The following ZSCAN5A variants were observed in gnomAD, a reference collection of about 807,000 sequenced individuals.
ZSCAN5A encodes the protein zinc finger and SCAN domain-containing protein 5A.
In ZSCAN5A, 12 loss-of-function variants were observed where a neutral mutation model predicts 23.7. The ratio of observed to expected loss-of-function variants is 0.51; its 90% CI spans 0.32 to 0.82. The LOEUF (loss-of-function observed/expected upper bound fraction) is 0.82, where lower values mean the gene tolerates loss of function less well. Among genes scored for constraint, ZSCAN5A ranks in the 40% least tolerant of loss-of-function variants. ZSCAN5A has a pLI of 0.03. For synonymous variants in ZSCAN5A, 257 were observed against 239.9 expected (o/e 1.07, Z -0.66); for missense variants, 597 against 617.9 (o/e 0.97, Z 0.36).
chr19:56,304,115 C>T (rs998024606), intron 2 of ZSCAN5A, among the ~76,000 whole-genome samples: 4 of 152,044 alleles, frequency 2.6e-5, no homozygotes, highest in Non-Finnish European at 4.4e-5. Context: ...GAGAGTGGAT[C>T]GGAATCAGGG....
intron 5 of ZSCAN5A, 120 bp downstream of exon 5, chr19:56,222,471 G>A (rs2033362671): frequency 1.3e-6 from 2 of 1,549,210 alleles, no homozygotes; most frequent in South Asian, 1.3e-5. Context: ...GGAAAGTAGA[G>A]GATGGGGAGG....
chr19:56,256,533 T>G (rs2036704714), intron 2 of ZSCAN5A, among the ~76,000 whole-genome samples: 1 of 152,228 alleles, frequency 6.6e-6, no homozygotes. Flanking sequence ...CTTACATTTT[T>G]CAGGTGTGTG....
chr19:56,337,699 T>G (rs1301682198), intron 2 of ZSCAN5A, among the ~76,000 whole-genome samples: 1 of 152,238 alleles, frequency 6.6e-6, no homozygotes, highest in Non-Finnish European at 1.5e-5. Flanking sequence ...AGCTGTAGAC[T>G]GGAGCTGTTC....
chr19:56,299,917 G>A (rs917895720), intron 2 of ZSCAN5A: 6 of 152,174 alleles, frequency 3.9e-5, no homozygotes, highest in Non-Finnish European at 5.9e-5. Flanking sequence ...ATCACCACTT[G>A]CATTTCACAT....
chr19:56,231,427 A>C (rs983833418), intron 2 of ZSCAN5A, among the ~76,000 whole-genome samples: 8 of 152,232 alleles, frequency 5.3e-5, no homozygotes, highest in African/African-American at 1.9e-4. Context: ...TTCTCTAAGA[A>C]TGCGTGACCA....
intron 2 of ZSCAN5A, among the ~76,000 whole-genome samples, chr19:56,327,518 TAA>T (rs1402332935): frequency 4.6e-5 from 7 of 150,750 alleles, no homozygotes; most frequent in African/African-American, 7.3e-5. Flanking sequence ...GTATACCATA[TAA>T]GTCATACACA....
At chr19:56,322,640 T>C (rs78039025) in intron 2 of ZSCAN5A, among the ~76,000 whole-genome samples, 2,778 of 152,254 alleles carry the variant, frequency 0.018, 87 homozygotes, top group African/African-American at 0.064. Flanking sequence ...TATCTATCTA[T>C]AGATACAGAC....
At chr19:56,276,698 C>T (rs1218072784) in intron 2 of ZSCAN5A, among the ~76,000 whole-genome samples, 4 of 151,786 alleles carry the variant, frequency 2.6e-5, no homozygotes, top group Non-Finnish European at 4.4e-5. Flanking sequence ...CCACCATGCC[C>T]GGCTAATTTT....
intron 2 of ZSCAN5A, chr19:56,280,693 G>A (rs949309573): frequency 6.6e-6 from 1 of 152,098 alleles, no homozygotes; most frequent in Admixed American, 6.5e-5. Context: ...CCTTCCTGTT[G>A]TGTCATCCTA....
At chr19:56,277,308 G>A (rs1600161271) in intron 2 of ZSCAN5A, among the ~76,000 whole-genome samples, 1 of 152,342 alleles carries the variant, frequency 6.6e-6, no homozygotes, top group South Asian at 2.1e-4. Context: ...AATGAATGGA[G>A]AAACAGAGTG....
intron 2 of ZSCAN5A, among the ~76,000 whole-genome samples, chr19:56,361,901 T>C (rs1186639727): frequency 4.6e-5 from 7 of 152,048 alleles, no homozygotes. Flanking sequence ...CTCACACCTG[T>C]AATCCCAGCA....
At chr19:56,258,269 C>G (rs1044432641) in intron 2 of ZSCAN5A, among the ~76,000 whole-genome samples, 1 of 152,208 alleles carries the variant, frequency 6.6e-6, no homozygotes, top group Non-Finnish European at 1.5e-5. Context: ...TCTGGGCCAC[C>G]AATAGAGTCT....
At position 56,339,341 on chromosome 19, in the gene ZSCAN5A, C is replaced by T. The variant is rs972077636; in HGVS notation, c.-357-23073G>A. On this transcript the variant is annotated intron_variant, in intron 2 of 6. Transcript: ENST00000587340. ...CAATATGTGAAGGAGCGGCTGTAGC[C>T]GCATTTAGCAATATGTGAAGGAGCG... Among the ~76,000 whole-genome samples the T allele has an allele frequency of 8.6e-5, 13 of 150,532 alleles. No homozygotes were observed. In the South Asian group the frequency reaches 1.1e-3, roughly 12 times the overall value.
At position 56,222,012 on chromosome 19, in the gene ZSCAN5A, C is replaced by G. The variant is rs201814043; in HGVS notation, c.1054G>C (p.Ala352Pro). Residue 352 changes from alanine to proline, a missense_variant, in exon 6 of 6, where the codon GCA becomes CCA. This residue lies in a region of ZSCAN5A where 406 missense variants were observed against 353.2 expected (regional missense o/e 1.15). Transcript: ENST00000683990. ...VSHPDGQEAK[A>P]LPPFACDVCE... ...ACGTCACATGCAAAGGGCGGCAGTG[C>G]CTTGGCTTCTTGGCCATCCGGGTGA... is the stretch of plus-strand genomic sequence containing the variant. 5 of 1,614,200 alleles carry G rather than the reference C, an allele frequency of 3.1e-6. No homozygotes were observed. The East Asian group carries it at 6.7e-5, about 22-fold the overall frequency.
Position 56,225,035 on chromosome 19 carries a change from A to G in ZSCAN5A, c.12T>C (p.Asn4=), listed in dbSNP as rs760459681. Residue 4 remains asparagine, a synonymous_variant, in exon 3 of 6, where the codon AAT becomes AAC. Transcript: ENST00000683990. ...CTCCTAGACTCCATGAGGATGTGCA[A>G]TTTGCAGCCATATCTAGTGGAGAAT... The part of the protein sequence containing the change: MAA[N]CTSSWSLGES... 9 of 1,596,694 alleles carry G rather than the reference A, an allele frequency of 5.6e-6. No homozygotes were observed. The African/African-American group carries it at 6.7e-5, about 12-fold the overall frequency.
At chr19:56,310,381 A>C (rs1015710182) in intron 2 of ZSCAN5A, 2 of 152,270 alleles carry the variant, frequency 1.3e-5, no homozygotes, top group Non-Finnish European at 2.9e-5. Context: ...AGTTTCCCCT[A>C]AAATCTCTCC....
chr19:56,269,130 C>T (rs747180216), intron 2 of ZSCAN5A, among the ~76,000 whole-genome samples: 1 of 152,100 alleles, frequency 6.6e-6, no homozygotes, highest in Non-Finnish European at 1.5e-5. Flanking sequence ...TCCGTGCTTT[C>T]GGGTACATAC....
At chr19:56,252,202 G>A (rs182111118) in intron 2 of ZSCAN5A, among the ~76,000 whole-genome samples, 2 of 152,198 alleles carry the variant, frequency 1.3e-5, no homozygotes, top group Non-Finnish European at 2.9e-5. Flanking sequence ...GGGTAAGAGA[G>A]GATATGGGAG....
At chr19:56,293,409 G>A (rs944467323) in intron 2 of ZSCAN5A, among the ~76,000 whole-genome samples, 2 of 152,086 alleles carry the variant, frequency 1.3e-5, no homozygotes, top group African/African-American at 4.8e-5. Context: ...TCAGACTAAC[G>A]AGGTCCCTGC....
Sources: allele counts gnomAD v4.1 joint callset (sites outside exome capture counted in the v4.1 genomes callset), GRCh38; gene constraint gnomAD v4.1.1; regional missense constraint gnomAD v4.1.1; transcripts MANE v1.5; gene names NCBI Gene and HGNC (gene_info 2026-07-23, HGNC 2026-07-21).